The following PCBP3 variants were observed in gnomAD, a reference collection of about 807,000 sequenced individuals.
PCBP3 encodes the protein poly(rC) binding protein 3, also known as poly(rC)-binding protein 3.
A neutral mutation model predicts 52.7 loss-of-function variants in PCBP3; 25 were observed. The ratio of observed to expected loss-of-function variants is 0.47; its 90% CI spans 0.35 to 0.66. The LOEUF (loss-of-function observed/expected upper bound fraction) is 0.66. Among genes scored for constraint, PCBP3 ranks in the 30% least tolerant of loss-of-function variants. The probability of loss-of-function intolerance (pLI) is 0.01; values close to 1 mark genes in which losing one functional copy is unlikely to be tolerated. For missense variants in PCBP3, 391 were observed against 490.3 expected, an observed-to-expected ratio of 0.80 and a Z score of 1.91; for synonymous variants, 162 against 183.0, an observed-to-expected ratio of 0.89 and a Z score of 0.93.
In PCBP3 at chr21:45,720,229, C is replaced by A. The variant is rs1467306465; in HGVS notation, c.-199-15163C>A. Reference sequence around the variant, plus strand: ...TGCTATCCCTCCCCTTACCCCCGACCCCCTGACAGGCCCCAGTGTGTGATG... The same window carrying A: ...TGCTATCCCTCCCCTTACCCCCGACACCCTGACAGGCCCCAGTGTGTGATG... On this transcript the variant is annotated intron_variant, in intron 2 of 17. Transcript: ENST00000681687. Among the ~76,000 whole-genome samples, 5 of 152,068 alleles carry A rather than the reference C, an allele frequency of 3.3e-5. No homozygotes were observed. The East Asian group carries it at 9.7e-4, about 29-fold the overall frequency.
chr21:45,835,062 G>A (rs1365950104), intron 4 of PCBP3, among the ~76,000 whole-genome samples: 3 of 152,242 alleles, frequency 2.0e-5, no homozygotes, highest in South Asian at 2.1e-4. Flanking sequence ...TGACACGGGG[G>A]CTGCTCCCCA....
chr21:45,646,107 CTGTGTGTGTGTGTG>C (rs765931494), intron 1 of PCBP3, among the ~76,000 whole-genome samples: 9 of 83,824 alleles, frequency 1.1e-4, no homozygotes, highest in African/African-American at 4.3e-4. Flanking sequence ...CTCTCTCTCT[CTGTGTGTGTGTGTG>C]TGTGTGTGTG....
chr21:45,840,813 C>T (rs903784707), intron 4 of PCBP3, among the ~76,000 whole-genome samples: 3 of 152,180 alleles, frequency 2.0e-5, no homozygotes, highest in African/African-American at 4.8e-5. Context: ...TGAGGTCTCC[C>T]TACATTCCCT....
At chr21:45,867,228 G>A (rs1234434190) in intron 5 of PCBP3, among the ~76,000 whole-genome samples, 1 of 152,232 alleles carries the variant, frequency 6.6e-6, no homozygotes, top group Non-Finnish European at 1.5e-5. Context: ...GGCACGCAAC[G>A]GCTGCTGCGC....
At chr21:45,722,858 C>G (rs531079907) in intron 2 of PCBP3, among the ~76,000 whole-genome samples, 7 of 151,280 alleles carry the variant, frequency 4.6e-5, no homozygotes, top group Admixed American at 6.6e-5. Context: ...TAAAAAAAAA[C>G]AAAAATTAGC....
At position 45,917,362 on chromosome 21, in the gene PCBP3, A is replaced by T; in HGVS notation, c.676-226A>T. 25 of 352,750 alleles carry T rather than the reference A, an allele frequency of 7.1e-5. No individual in the cohort carries two copies. Among genetic ancestry groups the T allele is most frequent in the East Asian group, 1.2e-4 (2 of 17,140 alleles). The allele number at this position is 352,750 out of a possible 1,614,324, so 21.9% of individuals were successfully genotyped here. A position where few individuals can be genotyped will look rare whatever the true frequency, so the allele number is the denominator to read the frequency against. On this transcript the variant is annotated intron_variant, in intron 12 of 17. Transcript: ENST00000681687. The surrounding 1 kb of genome is among the most constrained non-coding windows in gnomAD (Gnocchi z 5.3). ...TGAACTGTTTCCCTCCCACCCGCTG[A>T]ACTGGCCAGCTCAGCTCTGCCCGCC...
chr21:45,757,764 C>T (rs2088203797), intron 4 of PCBP3, among the ~76,000 whole-genome samples: 1 of 152,110 alleles, frequency 6.6e-6, no homozygotes, highest in Admixed American at 6.6e-5. Context: ...TCACAGCACT[C>T]CATATTTAAA....
At chr21:45,818,109 A>G (rs1603443246) in intron 4 of PCBP3, among the ~76,000 whole-genome samples, 1 of 151,314 alleles carries the variant, frequency 6.6e-6, no homozygotes, top group Admixed American at 6.6e-5. Context: ...TGCAACCTCC[A>G]CCTCCCGGGT....
intron 2 of PCBP3, among the ~76,000 whole-genome samples, chr21:45,679,580 G>A (rs2081703238): frequency 6.6e-6 from 1 of 151,998 alleles, no homozygotes; most frequent in Non-Finnish European, 1.5e-5. Context: ...CTTTATTATG[G>A]TACCTGAAAA....
rs149299510 is a variant in PCBP3 at position 45,941,019 on chromosome 21, C to A, written c.1080-651C>A. 5.3e-3 allele frequency among the ~76,000 whole-genome samples: 805 copies of A among 152,340 alleles called. 8 individuals are homozygous for A. The highest frequency in any genetic ancestry group is 0.018 in the African/African-American group (762 of 41,578). ...TGGAACCCCTGTCCCGGTGACCCTT[C>A]TCTTACCTGCACGCCCAGTGAGTGG... On this transcript the variant is annotated intron_variant, in intron 17 of 17. Coordinates refer to ENST00000681687, the MANE Select transcript of PCBP3 (RefSeq NM_001384156.1).
Position 45,817,159 on chromosome 21 carries a change from G to A in PCBP3, c.-125-32802G>A, listed in dbSNP as rs890364753. ...TATTTCTGCAGGCATCTAATTTACC[G>A]AAACTTCATGTCATGGCTCGGTCGA... On this transcript the variant is annotated intron_variant, in intron 4 of 17. Coordinates refer to ENST00000681687, the MANE Select transcript of PCBP3 (RefSeq NM_001384156.1). This position sits in a 1 kb window ranked among gnomAD's most constrained non-coding sequence, Gnocchi z 4.3. 6.6e-6 allele frequency among the ~76,000 whole-genome samples: 1 copy of A among 152,106 alleles called. No individual in the cohort carries two copies. The highest frequency in any genetic ancestry group is 1.5e-5 in the Non-Finnish European group (1 of 68,020).
intron 11 of PCBP3, among the ~76,000 whole-genome samples, 164 bp from the exon 12 acceptor site, chr21:45,913,787 G>A (rs1393906805): frequency 6.6e-6 from 1 of 152,178 alleles, no homozygotes; most frequent in Non-Finnish European, 1.5e-5. Flanking sequence ...GGGGGCTGGA[G>A]GTCTTCACTC....
At position 45,849,995 on chromosome 21, in the gene PCBP3, G is replaced by A. The variant is rs902000636; in HGVS notation, c.-91G>A. 4.8e-6 allele frequency: 6 copies of A among 1,259,714 alleles called. No homozygotes were observed. In the African/African-American group the frequency reaches 7.4e-5, roughly 16 times the overall value. The allele number at this position is 1,259,714 out of a possible 1,614,324, so 78.0% of individuals were successfully genotyped here. The stretch of plus-strand genomic sequence containing the variant: ...CTCCACGACAAAAGTCAACCCTTCT[G>A]TAAATCACCTGCTGTGGTTATGATG... On this transcript the variant is annotated 5_prime_UTR_variant, in exon 5 of 18. Transcript: ENST00000681687.
intron 6 of PCBP3, among the ~76,000 whole-genome samples, chr21:45,896,875 C>T (rs1261827362): frequency 9.2e-3 from 455 of 49,286 alleles, no homozygotes; most frequent in East Asian, 0.043. Flanking sequence ...AAGGCGGCCG[C>T]GGCACATAGA....
intron 2 of PCBP3, among the ~76,000 whole-genome samples, chr21:45,686,211 C>G (rs1020795426): frequency 6.6e-6 from 1 of 152,110 alleles, no homozygotes; most frequent in African/African-American, 2.4e-5. Flanking sequence ...AACCACCGTG[C>G]CTGGCCTAAG....
chr21:45,877,432 A>T (rs919718018), intron 5 of PCBP3, among the ~76,000 whole-genome samples: 21 of 152,272 alleles, frequency 1.4e-4, no homozygotes, highest in South Asian at 2.1e-4. Flanking sequence ...ATATTTTTTT[A>T]AAAAAAGAGT....
rs1440224306 is a variant in PCBP3, at chr21:45,704,480, T to C, written c.-199-30912T>C. Reference sequence around the variant, plus strand: ...TGGGAGGCCGCAGCGTCTGCCCCCATTTTCCTGCTCTCCCCTGGCAGAGGC... The same window carrying C: ...TGGGAGGCCGCAGCGTCTGCCCCCACTTTCCTGCTCTCCCCTGGCAGAGGC... On this transcript the variant is annotated intron_variant, in intron 2 of 17. Coordinates refer to ENST00000681687, the MANE Select transcript of PCBP3 (RefSeq NM_001384156.1). This position sits in a 1 kb window ranked among gnomAD's most constrained non-coding sequence, Gnocchi z 4.1. 6.6e-6 allele frequency among the ~76,000 whole-genome samples: 1 copy of C among 152,092 alleles called. No individual in the cohort carries two copies. The highest frequency in any genetic ancestry group is 1.5e-5 in the Non-Finnish European group (1 of 67,996).
rs1258641241 is a variant in PCBP3 at position 45,821,535 on chromosome 21, C to G, written c.-125-28426C>G. Reference sequence around the variant, plus strand: ...TCCCCTAACTCATTTCTAGAATACTCTTCCCTGCCTGCACCCTGCTGTGGG... The same window carrying G: ...TCCCCTAACTCATTTCTAGAATACTGTTCCCTGCCTGCACCCTGCTGTGGG... On this transcript the variant is annotated intron_variant, in intron 4 of 17. Coordinates refer to ENST00000681687, the MANE Select transcript of PCBP3 (RefSeq NM_001384156.1). This position sits in a 1 kb window ranked among gnomAD's most constrained non-coding sequence, Gnocchi z 4.4. Among the ~76,000 whole-genome samples, 1 of 151,118 alleles carries G rather than the reference C, an allele frequency of 6.6e-6. No homozygotes were observed. The highest frequency in any genetic ancestry group is 1.5e-5 in the Non-Finnish European group (1 of 67,714).
rs150937885 is a variant in PCBP3 at position 45,711,602 on chromosome 21, C to T, written c.-199-23790C>T. Among the ~76,000 whole-genome samples, 200 of 152,294 alleles carry T rather than the reference C, an allele frequency of 1.3e-3. 2 individuals are homozygous for T. The highest frequency in any genetic ancestry group is 4.3e-3 in the African/African-American group (180 of 41,554). ...TCAATTAGAGTACAGTGCTTATGTACTTCAGTGCTTACAGTTCCTTTTTCC... is the reference window on the plus strand; with the variant it reads ...TCAATTAGAGTACAGTGCTTATGTATTTCAGTGCTTACAGTTCCTTTTTCC... On this transcript the variant is annotated intron_variant, in intron 2 of 17. Transcript: ENST00000681687.
Sources: allele counts gnomAD v4.1 joint callset (sites outside exome capture counted in the v4.1 genomes callset), GRCh38; gene constraint gnomAD v4.1.1; non-coding constraint Gnocchi (gnomAD v3.1); transcripts MANE v1.5; gene names NCBI Gene and HGNC (gene_info 2026-07-23, HGNC 2026-07-21).